Variants in DHRSX observed in about 807,000 individuals in gnomAD.
DHRSX encodes polyprenol dehydrogenase.
Under a neutral mutation model 34.0 loss-of-function variants are expected in DHRSX, and 31 were observed. The ratio of observed to expected loss-of-function variants is 0.91; its 90% CI spans 0.69 to 1.23. The LOEUF (loss-of-function observed/expected upper bound fraction) is 1.23. Ranked by LOEUF, DHRSX falls within the 50% of genes most tolerant of loss-of-function variation. The pLI is 0.00. For missense variants in DHRSX, 414 were observed against 428.1 expected, an observed-to-expected ratio of 0.97 and a Z score of 0.29; for synonymous variants, 201 against 183.8, an observed-to-expected ratio of 1.09 and a Z score of -0.76.
In DHRSX at chrX:2,243,201, G is replaced by A. The variant is rs1172029645; in HGVS notation, c.626C>T (p.Ala209Val). ...SACYSPHAAY[A>V]QSKLALVLFT... ...CAGGACAAGGGCCAGCTTGCTCTGG[G>A]CGTAGGCTGCGTGGGGTGAGTAGCA... The change falls in exon 6 of 7, where the codon GCC (alanine) becomes GTC (valine). Residue 209 changes from alanine (A) to valine (V), a missense_variant. Transcript: ENST00000334651. The A allele has an allele frequency of 1.2e-6, 2 of 1,613,776 alleles. No individual in the cohort carries two copies. The highest frequency in any genetic ancestry group is 1.7e-6 in the Non-Finnish European group (2 of 1,179,886).
chrX:2,311,081 G>C (rs1372293320), intron 3 of DHRSX, among the ~76,000 whole-genome samples: 3 of 150,150 alleles, frequency 2.0e-5, no homozygotes, highest in Admixed American at 6.7e-5. Context: ...AAAAAAGAGA[G>C]ACAGAAGGAG....
intron 4 of DHRSX, among the ~76,000 whole-genome samples, chrX:2,285,975 T>C (rs1427344744): frequency 6.6e-6 from 1 of 152,336 alleles, no homozygotes; most frequent in African/African-American, 2.4e-5. Flanking sequence ...TGAATTCTGA[T>C]GCATAAACCA....
intron 2 of DHRSX, among the ~76,000 whole-genome samples, chrX:2,416,548 C>G (rs920897953): frequency 5.3e-5 from 8 of 152,092 alleles, no homozygotes; most frequent in African/African-American, 1.9e-4. Flanking sequence ...TAAGTATTAC[C>G]TATGGGTGGT....
chrX:2,388,479 G>A (rs866562147), intron 3 of DHRSX, among the ~76,000 whole-genome samples: 161 of 152,172 alleles, frequency 1.1e-3, no homozygotes, highest in Admixed American at 2.2e-3. Context: ...GAGGACACAG[G>A]GAGAAGACGG....
intron 1 of DHRSX, among the ~76,000 whole-genome samples, chrX:2,492,649 C>A (rs1225870760): frequency 1.3e-5 from 2 of 150,282 alleles, no homozygotes; most frequent in African/African-American, 2.5e-5. Context: ...GAGACACAGA[C>A]ACAGAGAAGG....
In DHRSX at chrX:2,221,229, T is replaced by C. The variant is rs1404052843; in HGVS notation, c.805A>G (p.Thr269Ala). ...GAAGTCCACGCTCCTTCATCGGGGG[T>C]CTGGTGGAAGAAGAAAAGAAGGCTA... ...KKLLGWLLFKTPDEGAWTSIY... is the reference protein window; with the variant it reads ...KKLLGWLLFKAPDEGAWTSIY... The change falls in exon 7 of 7, where the codon ACC (threonine) becomes GCC (alanine). Residue 269 changes from threonine (T) to alanine (A), a missense_variant and splice_region_variant. Thr to Ala is a moderately conservative substitution (Grantham distance 58). Transcript: ENST00000334651. 3 of 1,611,626 alleles carry C rather than the reference T, an allele frequency of 1.9e-6. No homozygotes were observed. The highest frequency in any genetic ancestry group is 2.5e-6 in the Non-Finnish European group (3 of 1,178,862).
At chrX:2,249,003 A>AT (rs1395427746) in intron 5 of DHRSX, among the ~76,000 whole-genome samples, 1 of 151,830 alleles carries the variant, frequency 6.6e-6, no homozygotes, top group Non-Finnish European at 1.5e-5. Flanking sequence ...TTGCAAGTTG[A>AT]TTTTTCAGCT....
intron 1 of DHRSX, among the ~76,000 whole-genome samples, chrX:2,456,291 T>C (rs922951769): frequency 1.1e-4 from 17 of 151,406 alleles, no homozygotes; most frequent in Admixed American, 9.2e-4. Flanking sequence ...AAACAGTTTA[T>C]CTGCGAGTTT....
intron 1 of DHRSX, among the ~76,000 whole-genome samples, chrX:2,460,851 G>A (rs2044393023): frequency 6.6e-6 from 1 of 152,020 alleles, no homozygotes; most frequent in African/African-American, 2.4e-5. Context: ...CCAAAGTGCA[G>A]GTATTACAAG....
intron 3 of DHRSX, among the ~76,000 whole-genome samples, chrX:2,347,139 T>C (rs1172099650): frequency 6.6e-6 from 1 of 152,094 alleles, no homozygotes; most frequent in Non-Finnish European, 1.5e-5. Flanking sequence ...GAATGGGCAA[T>C]TTAGAAAAGA....
In DHRSX at chrX:2,321,579, C is replaced by G. The variant is rs183254921; in HGVS notation, c.287-29976G>C. ...GGCACACATGCTCCCTCGTGCTCCA[C>G]CCCCCTCTCTCTCTGCCCTGCGAGA... On this transcript the variant is annotated intron_variant, in intron 3 of 6. Transcript: ENST00000334651. Among the ~76,000 whole-genome samples the G allele has an allele frequency of 4.6e-3, 699 of 150,724 alleles. 6 individuals carry two copies. The highest frequency in any genetic ancestry group is 0.016 in the African/African-American group (640 of 40,120).
rs745829295 is a variant in DHRSX at position 2,304,023 on chromosome X, T to TGATGGATG, written c.287-12428_287-12421dup. ...TTGATGGATGGACGGATGGATGAACTGATGGATGGATGGATGGATGGATGG... is the reference window on the plus strand; with the variant it reads ...TTGATGGATGGACGGATGGATGAACTGATGGATGGATGGATGGATGGATGGATGGATGG... On this transcript the variant is annotated intron_variant, in intron 3 of 6. Transcript: ENST00000334651. Among the ~76,000 whole-genome samples the TGATGGATG allele has an allele frequency of 1.4e-3, 94 of 67,904 alleles. 2 individuals are homozygous for TGATGGATG. Among genetic ancestry groups the TGATGGATG allele is most frequent in the Non-Finnish European group, 2.1e-3 (66 of 32,188 alleles). 44.5% of individuals were successfully genotyped at this position (67,904 alleles called of 152,430 possible).
chrX:2,227,560 G>A (rs1180462559), intron 6 of DHRSX, among the ~76,000 whole-genome samples: 3 of 128,960 alleles, frequency 2.3e-5, no homozygotes, highest in African/African-American at 9.0e-5. Flanking sequence ...AGGGAGAAAG[G>A]AGGGAAGAAG....
In DHRSX at chrX:2,282,783, G is replaced by A. The variant is rs770161872; in HGVS notation, c.388+8719C>T. 3.4e-3 allele frequency among the ~76,000 whole-genome samples: 154 copies of A among 45,180 alleles called. 11 individuals are homozygous for A. Among genetic ancestry groups the A allele is most frequent in the African/African-American group, 0.01 (126 of 12,086 alleles). 29.6% of individuals were successfully genotyped at this position (45,180 alleles called of 152,430 possible). ...AGGGGAGAAAGCGAGGGAGGGAGGGGGAGAGAGAGAAGAAAGAGAGAAGAG... is the reference window on the plus strand; with the variant it reads ...AGGGGAGAAAGCGAGGGAGGGAGGGAGAGAGAGAGAAGAAAGAGAGAAGAG... On this transcript the variant is annotated intron_variant, in intron 4 of 6. Transcript: ENST00000334651.
At chrX:2,228,853 G>A (rs2015798687) in intron 6 of DHRSX, among the ~76,000 whole-genome samples, 1 of 152,144 alleles carries the variant, frequency 6.6e-6, no homozygotes, top group African/African-American at 2.4e-5. Context: ...ACTTGTATTA[G>A]ACATGCTGGG....
At chrX:2,306,224 T>G (rs993184823) in intron 3 of DHRSX, among the ~76,000 whole-genome samples, 3 of 152,036 alleles carry the variant, frequency 2.0e-5, no homozygotes, top group African/African-American at 7.2e-5. Flanking sequence ...TTTTTTTTTT[T>G]GCATCCATTC....
chrX:2,243,168 T>C lies in DHRSX; in HGVS notation c.659A>G (p.Tyr220Cys), dbSNP rs768574264. The change falls in exon 6 of 7, where the codon TAC (tyrosine) becomes TGC (cysteine). Residue 220 changes from tyrosine (Y) to cysteine (C), a missense_variant. Physicochemically the swap from Tyr to Cys is radical, Grantham distance 194. Coordinates refer to ENST00000334651, the MANE Select transcript of DHRSX (RefSeq NM_145177.3). Reference sequence around the variant, plus strand: ...AGCCGCCAGCAGCCGCTGGAGGTGGTAGGTGAACAGGACAAGGGCCAGCTT... The same window carrying C: ...AGCCGCCAGCAGCCGCTGGAGGTGGCAGGTGAACAGGACAAGGGCCAGCTT... ...QSKLALVLFT[Y>C]HLQRLLAAEG... The C allele has an allele frequency of 2.5e-6, 4 of 1,613,782 alleles. No homozygotes were observed. Among genetic ancestry groups the C allele is most frequent in the Non-Finnish European group, 3.4e-6 (4 of 1,179,872 alleles).
At chrX:2,436,059 A>G (rs1055395981) in intron 1 of DHRSX, among the ~76,000 whole-genome samples, 2 of 151,886 alleles carry the variant, frequency 1.3e-5, no homozygotes, top group African/African-American at 4.8e-5. Flanking sequence ...CGGGCATGGT[A>G]GCACGCACCT....
chrX:2,408,653 C>T, intron 3 of DHRSX, 92 bp downstream of exon 3: 1 of 1,118,862 alleles, frequency 8.9e-7, no homozygotes, highest in South Asian at 1.4e-5. Context: ...TGCCACCTGG[C>T]ACGTGACTGA....
Sources: allele counts gnomAD v4.1 joint callset (sites outside exome capture counted in the v4.1 genomes callset), GRCh38; gene constraint gnomAD v4.1.1; transcripts MANE v1.5; gene names NCBI Gene and HGNC (gene_info 2026-07-23, HGNC 2026-07-21).